PMM1: variants seen among roughly 807,000 people sequenced by gnomAD.
PMM1 encodes phosphomannomutase 1, also known as brain glucose-1,6-bisphosphatase.
Under a neutral mutation model 34.0 loss-of-function variants are expected in PMM1, and 25 were observed. That is an observed-to-expected ratio of 0.73 (90% CI 0.54 to 1.03). The LOEUF (loss-of-function observed/expected upper bound fraction) is 1.03. Among genes scored for constraint, PMM1 ranks in the 50% least tolerant of loss-of-function variants. The probability of loss-of-function intolerance (pLI) is 0.00; values close to 1 mark genes in which losing one functional copy is unlikely to be tolerated. For synonymous variants in PMM1, 134 were observed against 143.9 expected, an observed-to-expected ratio of 0.93 and a Z score of 0.49; for missense variants, 321 against 350.1, an observed-to-expected ratio of 0.92 and a Z score of 0.66.
In PMM1 at chr22:41,577,792, G is replaced by T. The variant is rs1353653300; in HGVS notation, c.666+16C>A. 1.5e-5 allele frequency: 24 copies of T among 1,586,230 alleles called. No homozygotes were observed. Among genetic ancestry groups the T allele is most frequent in the Non-Finnish European group, 2.1e-5 (24 of 1,155,214 alleles). ...GTCCACTGCGTTAGGGGAAACCTGG[G>T]GTGGGCCACACTCACAGGGCTAGTC... is the stretch of plus-strand genomic sequence containing the variant. On this transcript the variant is annotated intron_variant, in intron 7 of 7. Transcript: ENST00000216259.
intron 1 of PMM1, among the ~76,000 whole-genome samples, chr22:41,586,594 T>C (rs2067310210): frequency 6.6e-6 from 1 of 151,942 alleles, no homozygotes; most frequent in African/African-American, 2.4e-5. Flanking sequence ...CTGCAACCTC[T>C]GCCTCCCGGG....
chr22:41,587,363 C>T (rs2067322049), intron 1 of PMM1, among the ~76,000 whole-genome samples: 1 of 151,472 alleles, frequency 6.6e-6, no homozygotes, highest in Admixed American at 6.6e-5. Flanking sequence ...TCCCTTGAAC[C>T]CGGGAGGTGG....
chr22:41,589,243 G>GTGGGAAA (rs1433976273), intron 1 of PMM1: 13 of 572,934 alleles, frequency 2.3e-5, no homozygotes, highest in Non-Finnish European at 4.0e-5. Flanking sequence ...GGGGTGGGAA[G>GTGGGAAA]ACTCCGAGAC....
rs554121219 is a variant in PMM1 at position 41,584,122 on chromosome 22, C to A, written c.375-64G>T. The A allele has an allele frequency of 4.3e-6, 6 of 1,382,998 alleles. No individual in the cohort carries two copies. In the South Asian group the frequency reaches 5.8e-5, roughly 13 times the overall value. 85.7% of individuals were successfully genotyped at this position (1,382,998 alleles called of 1,614,324 possible). ...AACGGCCCTGAATTCAAATCTAGCC[C>A]CACCTGGGACCCCAGCCTCCTAGGA... On this transcript the variant is annotated intron_variant, in intron 4 of 7. Coordinates refer to ENST00000216259, the MANE Select transcript of PMM1 (RefSeq NM_002676.3).
chr22:41,587,066 G>C (rs1354173087), intron 1 of PMM1, among the ~76,000 whole-genome samples: 1 of 151,400 alleles, frequency 6.6e-6, no homozygotes, highest in Non-Finnish European at 1.5e-5. Flanking sequence ...AGGGGATTGA[G>C]ACCATCCTGG....
chr22:41,580,682 C>T (rs555915845), intron 5 of PMM1: 1 of 152,004 alleles, frequency 6.6e-6, no homozygotes, highest in South Asian at 2.1e-4. Context: ...CCTAACTACC[C>T]CAAAAAAAAA....
intron 1 of PMM1, chr22:41,589,020 CGA>C (rs1434509521): frequency 1.6e-6 from 2 of 1,224,294 alleles, no homozygotes; most frequent in Non-Finnish European, 2.2e-6. Flanking sequence ...CTCAACACAG[CGA>C]GAGTCTTTAG....
In PMM1 at chr22:41,577,323, C is replaced by T; in HGVS notation, c.784G>A (p.Ala262Thr). 1.2e-6 allele frequency: 2 copies of T among 1,613,042 alleles called. No homozygotes were observed. The highest frequency in any genetic ancestry group is 1.7e-6 in the Non-Finnish European group (2 of 1,180,022). ...CACACAGATGTGGGCCCCGGTCACG[C>T]CTCATGAGCTGTCTCTGGGAAGAAA... is the stretch of plus-strand genomic sequence containing the variant. The part of the protein sequence containing the change: ...EIFFPETAHE[A>T] The change falls in exon 8 of 8, where the codon GCG (alanine) becomes ACG (threonine). Residue 262 changes from alanine to threonine, a missense_variant. Physicochemically the swap from Ala to Thr is moderately conservative, Grantham distance 58. Transcript: ENST00000216259.
intron 1 of PMM1, chr22:41,586,470 A>G: frequency 2.2e-6 from 1 of 455,146 alleles, no homozygotes; most frequent in South Asian, 3.7e-5. Flanking sequence ...TGAAAAAAAA[A>G]ATTTTTTTGG....
chr22:41,579,587 C>G (rs945514017), intron 5 of PMM1: 2 of 152,518 alleles, frequency 1.3e-5, no homozygotes, highest in Non-Finnish European at 2.9e-5. Flanking sequence ...CAGAGGGTCT[C>G]GAGACCGGGC....
Position 41,584,263 on chromosome 22 carries a change from AG to A in PMM1, c.374+17del, listed in dbSNP as rs1358851608. The stretch of plus-strand genomic sequence containing the variant: ...CCTCAGGCCCCAGGTTCTGGAGACC[AG>A]GCTGGTGGGACCTCACCGCTTCTTG... On this transcript the variant is annotated intron_variant, in intron 4 of 7. Transcript: ENST00000216259. 1.9e-6 allele frequency: 3 copies of A among 1,610,060 alleles called. No individual in the cohort carries two copies.
intron 5 of PMM1, among the ~76,000 whole-genome samples, chr22:41,583,558 G>A (rs778498801): frequency 1.3e-5 from 2 of 152,158 alleles, no homozygotes; most frequent in Non-Finnish European, 2.9e-5. Flanking sequence ...CAAGGGGTAG[G>A]GAGGGACAGA....
intron 1 of PMM1, chr22:41,589,515 G>T: frequency 1.7e-6 from 1 of 601,724 alleles, no homozygotes; most frequent in South Asian, 2.0e-5. Context: ...CAGAACACAG[G>T]CAAGGACGCT....
rs777010879 is a variant in PMM1, at chr22:41,577,895, G to A, written c.579C>T (p.Pro193=). ...RGGMISFDVF[P]EGWDKRYCLD... ...GGCAGTAGCGCTTGTCCCAGCCCTC[G>A]GGGAAGACGTCAAAGCTGATCATGC... Residue 193 remains proline, a synonymous_variant, in exon 7 of 8, where the codon CCC becomes CCT. Transcript: ENST00000216259. The A allele has an allele frequency of 6.8e-6, 11 of 1,613,182 alleles. No individual in the cohort carries two copies. Among genetic ancestry groups the A allele is most frequent in the African/African-American group, 2.7e-5 (2 of 74,920 alleles).
chr22:41,577,738 G>A (rs1270535389), intron 7 of PMM1, 70 bp downstream of exon 7: 20 of 1,192,184 alleles, frequency 1.7e-5, no homozygotes, highest in Non-Finnish European at 2.2e-5. Flanking sequence ...GATTTGCATT[G>A]GAGAAGCCAC....
chr22:41,585,418 C>A (rs1366841304), intron 2 of PMM1: 4 of 152,118 alleles, frequency 2.6e-5, no homozygotes, highest in Non-Finnish European at 5.9e-5. Context: ...ATGACATTAA[C>A]ACATGATCAT....
intron 1 of PMM1, chr22:41,589,315 G>T: frequency 2.3e-6 from 1 of 432,618 alleles, no homozygotes; most frequent in Non-Finnish European, 4.5e-6. Context: ...CTGGAACCCC[G>T]GTTCAGAAGC....
At chr22:41,588,577 A>G (rs1434079201) in intron 1 of PMM1, 3 of 858,936 alleles carry the variant, frequency 3.5e-6, no homozygotes, top group Non-Finnish European at 4.2e-6. Context: ...CTGATCTAGA[A>G]TTCCTGACCT....
chr22:41,580,547 G>C (rs1483140191), intron 5 of PMM1: 3 of 152,244 alleles, frequency 2.0e-5, no homozygotes, highest in Non-Finnish European at 2.9e-5. Context: ...GCACACGTTA[G>C]TAAAGATGCT....
Sources: gnomAD v4.1 joint callset for allele counts (sites outside exome capture counted in the v4.1 genomes callset) on GRCh38, gnomAD v4.1.1 for gene constraint, MANE v1.5 for transcripts, NCBI Gene and HGNC (gene_info 2026-07-23, HGNC 2026-07-21) for gene names.